Variants in NPIPB6 observed in about 807,000 individuals in gnomAD.
NPIPB6 encodes nuclear pore complex-interacting protein family member B6.
In NPIPB6, 2 loss-of-function variants were observed where a neutral mutation model predicts 20.0. That is an observed-to-expected ratio of 0.10 (90% CI 0.04 to 0.31). The LOEUF is 0.31. Among genes scored for constraint, NPIPB6 ranks in the 10% least tolerant of loss-of-function variants. NPIPB6 has a pLI of 1.00. For missense variants in NPIPB6, 96 were observed against 293.7 expected (o/e 0.33, Z 4.92); for synonymous variants, 35 against 116.3 (o/e 0.30, Z 4.50).
At position 28,349,686 on chromosome 16, in the gene NPIPB6, T is replaced by G. The variant is rs1473823825; in HGVS notation, c.304-445A>C. Among the ~76,000 whole-genome samples, 6 of 98,024 alleles carry G rather than the reference T, an allele frequency of 6.1e-5. 1 individual carries two copies. Among genetic ancestry groups the G allele is most frequent in the African/African-American group, 1.7e-4 (5 of 28,802 alleles). The allele number at this position is 98,024 out of a possible 152,430, so 64.3% of individuals were successfully genotyped here. On this transcript the variant is annotated intron_variant, in intron 2 of 6. Transcript: ENST00000532254. ...GGCGGATCACCTGAGGTCGGGAGTT[T>G]GAGACCAGCCTCACCAACATGGAGA...
At chr16:28,343,371 TG>T (rs1421451552) in intron 6 of NPIPB6, 183 bp from the exon 8 acceptor site, 1 of 579,576 alleles carries the variant, frequency 1.7e-6, no homozygotes, top group Non-Finnish European at 2.1e-6. Context: ...TGCCGACAGC[TG>T]GGGGGTAAAG....
At chr16:28,349,529 C>A (rs1457826475) in intron 2 of NPIPB6, among the ~76,000 whole-genome samples, 556 of 97,582 alleles carry the variant, frequency 5.7e-3, no homozygotes, top group African/African-American at 1.0e-2. Flanking sequence ...CCAGCCTGAG[C>A]GACAGAATGA....
chr16:28,351,909 G>A (rs1164926148), intron 2 of NPIPB6, among the ~76,000 whole-genome samples: 1 of 7,968 alleles, frequency 1.3e-4, no homozygotes, highest in Non-Finnish European at 3.8e-4. Flanking sequence ...TTGTTCAGGA[G>A]GTTCAGCCCC....
rs1207173726 is a variant in NPIPB6, at chr16:28,350,259, G to A, written c.304-1018C>T. Among the ~76,000 whole-genome samples the A allele has an allele frequency of 2.6e-3, 262 of 99,816 alleles. 39 individuals carry two copies. The highest frequency in any genetic ancestry group is 4.1e-3 in the South Asian group (13 of 3,198). The allele number at this position is 99,816 out of a possible 152,430, so 65.5% of individuals were successfully genotyped here. On this transcript the variant is annotated intron_variant, in intron 2 of 6. Transcript: ENST00000532254. ...ACAACTGAACTGTACACTTCAACAC[G>A]GTTAGATGGTAATTATCATCTTATA...
exon 1 of NPIPB6, chr16:28,362,807 T>C: frequency 1.9e-6 from 3 of 1,582,674 alleles, no homozygotes; most frequent in South Asian, 2.3e-5. Context: ...GTCAGGACAA[T>C]AGAGAGCTTC....
At chr16:28,362,130 C>G (rs1596587002) in intron 1 of NPIPB6, among the ~76,000 whole-genome samples, 1 of 148,380 alleles carries the variant, frequency 6.7e-6, no homozygotes, top group Non-Finnish European at 1.5e-5. Flanking sequence ...CAGAGTCTCG[C>G]TCTGTCGCAC....
In NPIPB6 at chr16:28,350,568, A is replaced by C; in HGVS notation, c.304-1327T>G. On this transcript the variant is annotated intron_variant, in intron 2 of 6. Coordinates refer to ENST00000532254, the Ensembl canonical transcript of NPIPB6. ...ATGCTTTTAATCTTCTAAGATATTA[A>C]ATATTTGTTCTCATCATAGGGAAAA... Among the ~76,000 whole-genome samples the C allele has an allele frequency of 2.7e-5, 3 of 110,854 alleles. 1 individual carries two copies. Among genetic ancestry groups the C allele is most frequent in the Non-Finnish European group, 6.1e-5 (3 of 49,562 alleles). The allele number at this position is 110,854 out of a possible 152,430, so 72.7% of individuals were successfully genotyped here. A position where few individuals can be genotyped will look rare whatever the true frequency, so the allele number is the denominator to read the frequency against.
rs71225064 is a variant in NPIPB6 at position 28,349,547 on chromosome 16, TCACACACACACACA to T, written c.304-320_304-307del. 3.9e-3 allele frequency among the ~76,000 whole-genome samples: 224 copies of T among 57,622 alleles called. 2 individuals are homozygous for T. Among genetic ancestry groups the T allele is most frequent in the African/African-American group, 0.013 (203 of 16,052 alleles). 37.8% of individuals were successfully genotyped at this position (57,622 alleles called of 152,430 possible). On this transcript the variant is annotated intron_variant, in intron 2 of 6. Transcript: ENST00000532254. ...GCCTGAGCGACAGAATGAGACTCTGTCACACACACACACACACACACACACACACACACACACAC... is the reference window on the plus strand; with the variant it reads ...GCCTGAGCGACAGAATGAGACTCTGTCACACACACACACACACACACACAC...
chr16:28,349,600 T>A (rs1305881318), intron 2 of NPIPB6, among the ~76,000 whole-genome samples: 20 of 76,418 alleles, frequency 2.6e-4, no homozygotes, highest in African/African-American at 8.6e-4. Context: ...CACACAAGAA[T>A]GACATGAGGC....
chr16:28,359,824 G>T (rs1381422122), intron 1 of NPIPB6, among the ~76,000 whole-genome samples: 12 of 152,312 alleles, frequency 7.9e-5, no homozygotes, highest in South Asian at 2.1e-4. Context: ...AGCAGTACAG[G>T]CAGGCACAGA....
In NPIPB6 at chr16:28,347,644, T is replaced by G. The variant is rs1296256382; in HGVS notation, c.599+1190A>C. ...TATGGCAGCAAAATACAATGTAATA[T>G]GACCAAAACATGAAAGACTGTGAAA... On this transcript the variant is annotated intron_variant, in intron 4 of 6. Transcript: ENST00000532254. Among the ~76,000 whole-genome samples the G allele has an allele frequency of 3.7e-5, 5 of 135,538 alleles. No individual in the cohort carries two copies. The Admixed American group carries it at 3.8e-4, about 10-fold the overall frequency. The allele number at this position is 135,538 out of a possible 152,430, so 88.9% of individuals were successfully genotyped here.
intron 2 of NPIPB6, among the ~76,000 whole-genome samples, chr16:28,349,886 T>C (rs2045187068): frequency 2.7e-5 from 1 of 37,564 alleles, no homozygotes; most frequent in African/African-American, 1.1e-4. Context: ...TGAAACTCTG[T>C]CTCAAAAAAA....
chr16:28,355,801 G>A (rs1192097176), intron 1 of NPIPB6, among the ~76,000 whole-genome samples: 3 of 122,390 alleles, frequency 2.5e-5, no homozygotes, highest in African/African-American at 2.8e-5. Context: ...CTTGAAAGGG[G>A]GTCGGTTTAT....
chr16:28,343,079 G>C, exon 7 of NPIPB6: 1 of 1,458,142 alleles, frequency 6.9e-7, no homozygotes, highest in Non-Finnish European at 9.4e-7. Context: ...ATGTTGTTGA[G>C]TTGGAGGAGG....
At chr16:28,347,984 C>A (rs1340255823) in intron 4 of NPIPB6, among the ~76,000 whole-genome samples, 1 of 119,342 alleles carries the variant, frequency 8.4e-6, no homozygotes, top group African/African-American at 2.9e-5. Flanking sequence ...GTGGCATATG[C>A]CTGTAGTCCC....
At chr16:28,345,424 AC>A (rs2045064957) in intron 4 of NPIPB6, among the ~76,000 whole-genome samples, 1 of 103,160 alleles carries the variant, frequency 9.7e-6, no homozygotes, top group Non-Finnish European at 2.1e-5. Flanking sequence ...GGGCTTATAA[AC>A]AGGCATAGTC....
chr16:28,361,730 ATGTGTGTG>A lies in NPIPB6; in HGVS notation c.120+965_120+972del, dbSNP rs750956017. 9.9e-5 allele frequency among the ~76,000 whole-genome samples: 10 copies of A among 100,878 alleles called. 1 individual carries two copies. The highest frequency in any genetic ancestry group is 2.7e-4 in the African/African-American group (7 of 25,564). 66.2% of individuals were successfully genotyped at this position (100,878 alleles called of 152,430 possible). ...AGTGAAACTCTGTCTCTCTCTCTAT[ATGTGTGTG>A]TGTGTGTGTGTGTGTGTGTGTGTGT... On this transcript the variant is annotated intron_variant, in intron 1 of 6. Transcript: ENST00000532254.
chr16:28,348,273 CA>C (rs1460948645), intron 4 of NPIPB6, among the ~76,000 whole-genome samples: 1 of 99,544 alleles, frequency 1.0e-5, no homozygotes, highest in East Asian at 3.1e-4. Flanking sequence ...GATTCTATCT[CA>C]AAATTTTAAA....
exon 7 of NPIPB6, chr16:28,343,156 A>G (rs2045035114): frequency 6.3e-7 from 1 of 1,577,150 alleles, no homozygotes; most frequent in East Asian, 2.3e-5. Flanking sequence ...GCAATCCTGA[A>G]GAATGACGAT....
Sources: allele counts gnomAD v4.1 joint callset (sites outside exome capture counted in the v4.1 genomes callset), GRCh38; gene constraint gnomAD v4.1.1; transcripts MANE v1.5; gene names NCBI Gene and HGNC (gene_info 2026-07-23, HGNC 2026-07-21).